GPC6: variants seen among roughly 807,000 people sequenced by gnomAD.
GPC6 encodes the protein glypican 6, also known as glypican-6.
Under a neutral mutation model 55.2 loss-of-function variants are expected in GPC6, and 14 were observed. The observed-to-expected ratio is 0.25, with a 90% CI of 0.17 to 0.40. GPC6 has a LOEUF of 0.40. Ranked by LOEUF, GPC6 falls within the 10% of genes least tolerant of loss-of-function variation. GPC6 has a pLI of 1.00. For synonymous variants in GPC6, 278 were observed against 259.6 expected (o/e 1.07, Z -0.68); for missense variants, 641 against 708.5 (o/e 0.90, Z 1.08).
chr13:93,293,812 G>A (rs1878393272), intron 1 of GPC6, among the ~76,000 whole-genome samples: 1 of 151,478 alleles, frequency 6.6e-6, no homozygotes, highest in South Asian at 2.1e-4. Context: ...TCATTCATGA[G>A]TTTAGGAAGT....
At chr13:93,400,173 C>T (rs1370251924) in intron 1 of GPC6, among the ~76,000 whole-genome samples, 1 of 152,094 alleles carries the variant, frequency 6.6e-6, no homozygotes, top group African/African-American at 2.4e-5. Context: ...GTTTTCTAAG[C>T]TCACCTCTTC....
chr13:93,745,083 G>A (rs1214590788), intron 2 of GPC6, among the ~76,000 whole-genome samples: 6 of 152,086 alleles, frequency 3.9e-5, no homozygotes, highest in African/African-American at 1.4e-4. Context: ...CAGGCTCACA[G>A]GTGAGTCCTC....
At chr13:94,084,315 C>G (rs953050319) in intron 4 of GPC6, among the ~76,000 whole-genome samples, 12 of 152,130 alleles carry the variant, frequency 7.9e-5, no homozygotes, top group Non-Finnish European at 1.5e-4. Context: ...AATTCTTTCT[C>G]TATGTGCTTC....
At chr13:93,370,836 G>A (rs922233508) in intron 1 of GPC6, among the ~76,000 whole-genome samples, 2 of 152,126 alleles carry the variant, frequency 1.3e-5, no homozygotes, top group South Asian at 2.1e-4. Context: ...GTATCATTGC[G>A]TTGTAATTCC....
intron 3 of GPC6, among the ~76,000 whole-genome samples, chr13:93,979,841 A>C (rs1880709663): frequency 6.6e-6 from 1 of 152,112 alleles, no homozygotes. Context: ...TAGCCTATTC[A>C]CCATAAATCA....
chr13:94,387,799 A>G (rs187458442), intron 7 of GPC6, among the ~76,000 whole-genome samples: 2 of 151,584 alleles, frequency 1.3e-5, no homozygotes, highest in East Asian at 3.9e-4. Flanking sequence ...AGCCATCAGC[A>G]AACTAGGAAG....
chr13:93,923,383 G>T (rs1014601942), intron 3 of GPC6, among the ~76,000 whole-genome samples: 2 of 152,038 alleles, frequency 1.3e-5, no homozygotes, highest in African/African-American at 4.8e-5. Flanking sequence ...ATGATTCGGT[G>T]ACTGGGTAAA....
intron 2 of GPC6, among the ~76,000 whole-genome samples, chr13:93,569,946 C>T (rs1876322985): frequency 6.6e-6 from 1 of 152,000 alleles, no homozygotes; most frequent in South Asian, 2.1e-4. Context: ...TAAGGACTAC[C>T]CATGATATTA....
intron 2 of GPC6, among the ~76,000 whole-genome samples, chr13:93,806,083 T>C (rs9524229): frequency 6.6e-6 from 1 of 151,610 alleles, no homozygotes; most frequent in South Asian, 2.1e-4. Flanking sequence ...CAGTATTAAA[T>C]CAGCTACACA....
chr13:93,753,040 G>T (rs1015072036), intron 2 of GPC6, among the ~76,000 whole-genome samples: 8 of 152,286 alleles, frequency 5.3e-5, no homozygotes, highest in African/African-American at 1.9e-4. Context: ...TTAAGCTACT[G>T]AAAGAGCCTG....
chr13:94,185,726 C>T (rs1566516344), intron 4 of GPC6, among the ~76,000 whole-genome samples: 1 of 152,022 alleles, frequency 6.6e-6, no homozygotes, highest in African/African-American at 2.4e-5. Context: ...ATCTTGGCAT[C>T]CCCAGCGTGG....
intron 6 of GPC6, among the ~76,000 whole-genome samples, chr13:94,324,768 G>GGATA (rs1382964717): frequency 6.6e-6 from 1 of 151,854 alleles, no homozygotes; most frequent in African/African-American, 2.4e-5. Context: ...AGAAAATGCA[G>GGATA]CATAGTTCCA....
intron 1 of GPC6, among the ~76,000 whole-genome samples, chr13:93,476,949 T>C (rs1235580005): frequency 1.3e-5 from 2 of 152,192 alleles, no homozygotes; most frequent in African/African-American, 4.8e-5. Context: ...TAACATTATG[T>C]TATAATCCAC....
chr13:93,883,381 A>T (rs1210414388), intron 3 of GPC6, among the ~76,000 whole-genome samples: 2 of 152,090 alleles, frequency 1.3e-5, no homozygotes, highest in South Asian at 4.1e-4. Flanking sequence ...CTGTAGTGTA[A>T]TTGTCCATAT....
chr13:94,362,454 C>T, intron 6 of GPC6, among the ~76,000 whole-genome samples: 1 of 152,070 alleles, frequency 6.6e-6, no homozygotes, highest in East Asian at 1.9e-4. Context: ...AAATAACAGC[C>T]TGTCAGTTTC....
In GPC6 at chr13:93,950,106, G is replaced by A. The variant is rs911509432; in HGVS notation, c.712-77623G>A. 2.0e-5 allele frequency among the ~76,000 whole-genome samples: 3 copies of A among 152,294 alleles called. No homozygotes were observed. The East Asian group carries it at 5.8e-4, about 29-fold the overall frequency. ...AGAGGTGATGGTGGCATAACACTGT[G>A]ATTGCACTTAATGCCATTGAATTGT... is the stretch of plus-strand genomic sequence containing the variant. On this transcript the variant is annotated intron_variant, in intron 3 of 8. Coordinates refer to ENST00000377047, the MANE Select transcript of GPC6 (RefSeq NM_005708.5).
At chr13:93,764,483 C>T (rs1272543923) in intron 2 of GPC6, among the ~76,000 whole-genome samples, 1 of 151,708 alleles carries the variant, frequency 6.6e-6, no homozygotes, top group Non-Finnish European at 1.5e-5. Context: ...TTAATTAGTG[C>T]CACAGATGGA....
chr13:93,376,743 C>T (rs1874917534), intron 1 of GPC6, among the ~76,000 whole-genome samples: 1 of 149,148 alleles, frequency 6.7e-6, no homozygotes, highest in Non-Finnish European at 1.5e-5. Flanking sequence ...TTTGAACCAT[C>T]CTTTAATTTC....
At chr13:93,864,546 C>A (rs1037026550) in intron 3 of GPC6, among the ~76,000 whole-genome samples, 7 of 151,646 alleles carry the variant, frequency 4.6e-5, no homozygotes, top group African/African-American at 1.7e-4. Context: ...GAGATCTAAC[C>A]CTCTGCTTAT....
Sources: gnomAD v4.1 joint callset for allele counts (sites outside exome capture counted in the v4.1 genomes callset) on GRCh38, gnomAD v4.1.1 for gene constraint, MANE v1.5 for transcripts, NCBI Gene and HGNC (gene_info 2026-07-23, HGNC 2026-07-21) for gene names.